ITGA9: variants seen among roughly 807,000 people sequenced by gnomAD.
ITGA9 encodes integrin alpha-9.
ITGA9 carries 56 observed loss-of-function variants against 127.8 expected under a neutral mutation model. The observed-to-expected ratio is 0.44, with a 90% CI of 0.35 to 0.55. The LOEUF (loss-of-function observed/expected upper bound fraction) is 0.55, where lower values mean the gene tolerates loss of function less well. ITGA9 is among the 20% of genes least tolerant of loss of function. The pLI, the probability that ITGA9 is intolerant of heterozygous loss-of-function variation, is 0.00. For synonymous variants in ITGA9, 508 were observed against 514.5 expected, an observed-to-expected ratio of 0.99 and a Z score of 0.17; for missense variants, 1,196 against 1,347.1, an observed-to-expected ratio of 0.89 and a Z score of 1.76.
Position 37,542,447 on chromosome 3 carries a change from T to C in ITGA9, c.1551T>C (p.Ala517=), listed in dbSNP as rs1432061757. ...GEIGLNYVLM[A]DVAKKEKGQM... ...CAGGCCTGAATTATGTTCTGATGGCTGACGTGGCCAAAAAGGAGAAGGGCC... is the reference window on the plus strand; with the variant it reads ...CAGGCCTGAATTATGTTCTGATGGCCGACGTGGCCAAAAAGGAGAAGGGCC... Residue 517 remains alanine (A), a synonymous_variant, in exon 15 of 28, where the codon GCT becomes GCC. Transcript: ENST00000264741. 1.9e-6 allele frequency: 3 copies of C among 1,613,812 alleles called. No individual in the cohort carries two copies. In the Middle Eastern group the frequency reaches 5.2e-4, roughly 279 times the overall value.
chr3:37,775,265 ACT>A (rs560648277), intron 23 of ITGA9, among the ~76,000 whole-genome samples: 22 of 152,082 alleles, frequency 1.4e-4, no homozygotes, highest in Non-Finnish European at 2.9e-4. Flanking sequence ...CATGTGAAAA[ACT>A]CAGTATCACT....
At chr3:37,743,239 G>T (rs7633317) in intron 21 of ITGA9, among the ~76,000 whole-genome samples, 51,880 of 152,106 alleles carry the variant, frequency 0.34, 11,190 homozygotes, top group African/African-American at 0.62. Context: ...TCAAAAATCT[G>T]CCATTGTTGT....
chr3:37,582,060 T>C (rs1010872366), intron 15 of ITGA9, among the ~76,000 whole-genome samples: 1 of 152,148 alleles, frequency 6.6e-6, no homozygotes, highest in Non-Finnish European at 1.5e-5. Flanking sequence ...CGACAGCAAT[T>C]AGAGGCAGGC....
At chr3:37,497,761 C>T (rs376368710) in intron 5 of ITGA9, among the ~76,000 whole-genome samples, 7 of 152,200 alleles carry the variant, frequency 4.6e-5, no homozygotes, top group African/African-American at 1.7e-4. Context: ...GTTCCTCCAA[C>T]AGGCCTGTCT....
At position 37,506,069 on chromosome 3, in the gene ITGA9, A is replaced by G. The variant is rs375426609; in HGVS notation, c.812A>G (p.Asp271Gly). 5.0e-6 allele frequency: 8 copies of G among 1,609,740 alleles called. No homozygotes were observed. The highest frequency in any genetic ancestry group is 6.8e-6 in the Non-Finnish European group (8 of 1,178,032). The change falls in exon 7 of 28, where the codon GAC (aspartate) becomes GGC (glycine). Residue 271 changes from aspartate to glycine, a missense_variant. By Grantham distance (94) the Asp-to-Gly change is moderately conservative (BLOSUM62 -1). Transcript: ENST00000264741. Reference protein sequence around the residue: ...TIDVVGGAPQDKGIGKVYIFR... With the variant: ...TIDVVGGAPQGKGIGKVYIFR... ...GATGTGGTAGGAGGTGCCCCACAGGACAAAGGCATCGGCAAGGTGAGGAGA... is the reference window on the plus strand; with the variant it reads ...GATGTGGTAGGAGGTGCCCCACAGGGCAAAGGCATCGGCAAGGTGAGGAGA...
intron 3 of ITGA9, among the ~76,000 whole-genome samples, chr3:37,477,937 G>A (rs570428135): frequency 8.6e-5 from 13 of 151,504 alleles, no homozygotes; most frequent in Admixed American, 6.6e-4. Flanking sequence ...AAGCCACAGG[G>A]TACATTTTTG....
intron 4 of ITGA9, among the ~76,000 whole-genome samples, chr3:37,487,411 T>C (rs550779444): frequency 2.0e-5 from 3 of 152,336 alleles, no homozygotes; most frequent in Admixed American, 6.5e-5. Flanking sequence ...CCAGGTTTCC[T>C]TGGAGCCAAG....
chr3:37,523,526 G>A lies in ITGA9; in HGVS notation c.1242G>A (p.Leu414=), dbSNP rs368456899. ...GGIVPQYSMK[L]SGQKINPVLR... Reference sequence around the variant, plus strand: ...TTCCCTATTATCTGTTTCAGAAACTGTCTGGGCAGAAGATAAATCCAGTGC... The same window carrying A: ...TTCCCTATTATCTGTTTCAGAAACTATCTGGGCAGAAGATAAATCCAGTGC... Residue 414 remains leucine (L), a synonymous_variant, in exon 12 of 28, where the codon CTG becomes CTA. Transcript: ENST00000264741. 2 of 1,613,416 alleles carry A rather than the reference G, an allele frequency of 1.2e-6. No individual in the cohort carries two copies. The highest frequency in any genetic ancestry group is 1.3e-5 in the African/African-American group (1 of 74,854).
intron 5 of ITGA9, among the ~76,000 whole-genome samples, chr3:37,496,117 C>G (rs1698725323): frequency 6.6e-6 from 1 of 152,184 alleles, no homozygotes; most frequent in African/African-American, 2.4e-5. Context: ...GCCTACCTTC[C>G]TTTCAGAAAC....
intron 15 of ITGA9, among the ~76,000 whole-genome samples, chr3:37,600,751 C>A (rs1699915484): frequency 6.6e-6 from 1 of 152,164 alleles, no homozygotes; most frequent in Non-Finnish European, 1.5e-5. Context: ...GGGCAGAAAG[C>A]ACTCTTTCTC....
rs369201522 is a variant in ITGA9 at position 37,741,818 on chromosome 3, G to A, written c.2323G>A (p.Gly775Arg). ...GCACGAGGTGGACACGTCCATCACC[G>A]GGTGAGTAGCCTGGTCCTGGGTTGC... The part of the protein sequence containing the change: ...LMHEVDTSIT[G>R]IMSPTSFVYG... The change falls in exon 21 of 28, where the codon GGA (glycine) becomes AGA (arginine). Residue 775 changes from glycine to arginine, a missense_variant and splice_region_variant. Transcript: ENST00000264741. 1.9e-5 allele frequency: 31 copies of A among 1,611,630 alleles called. No homozygotes were observed. Among genetic ancestry groups the A allele is most frequent in the East Asian group, 1.1e-4 (5 of 44,774 alleles).
intron 25 of ITGA9, among the ~76,000 whole-genome samples, chr3:37,783,543 C>T (rs1697003448): frequency 6.6e-6 from 1 of 151,846 alleles, no homozygotes; most frequent in African/African-American, 2.4e-5. Flanking sequence ...AGGATGTTTC[C>T]CCAGGCTGGA....
At chr3:37,627,800 A>G (rs1236010544) in intron 15 of ITGA9, among the ~76,000 whole-genome samples, 14 of 152,178 alleles carry the variant, frequency 9.2e-5, no homozygotes, top group Non-Finnish European at 1.5e-5. Context: ...ATCAAAAAGA[A>G]GGTGTTCCTG....
At chr3:37,667,991 G>C (rs1193077111) in intron 17 of ITGA9, among the ~76,000 whole-genome samples, 1 of 152,096 alleles carries the variant, frequency 6.6e-6, no homozygotes, top group South Asian at 2.1e-4. Context: ...TCCTGAATGC[G>C]AGGCTCCAAG....
chr3:37,592,600 CA>C (rs1699831459), intron 15 of ITGA9, among the ~76,000 whole-genome samples: 1 of 152,162 alleles, frequency 6.6e-6, no homozygotes, highest in South Asian at 2.1e-4. Context: ...AATGACTCCA[CA>C]TATCAGTGGT....
intron 5 of ITGA9, among the ~76,000 whole-genome samples, chr3:37,500,834 C>T (rs7611844): frequency 0.078 from 11,816 of 152,124 alleles, 667 homozygotes; most frequent in African/African-American, 0.16. Context: ...TCTGAAGGCT[C>T]AGGGGAAGGT....
intron 15 of ITGA9, among the ~76,000 whole-genome samples, chr3:37,625,437 G>A (rs769451237): frequency 3.9e-5 from 6 of 152,164 alleles, no homozygotes; most frequent in Non-Finnish European, 8.8e-5. Flanking sequence ...TCTGCCACCA[G>A]CCTGGGTGTT....
At chr3:37,785,388 G>A (rs1697027682) in intron 26 of ITGA9, among the ~76,000 whole-genome samples, 1 of 152,168 alleles carries the variant, frequency 6.6e-6, no homozygotes, top group African/African-American at 2.4e-5. Flanking sequence ...GTGGAGCCAG[G>A]ACTATTTATA....
At chr3:37,712,695 G>C (rs1362970901) in intron 18 of ITGA9, among the ~76,000 whole-genome samples, 1 of 152,108 alleles carries the variant, frequency 6.6e-6, no homozygotes, top group South Asian at 2.1e-4. Context: ...CTTCAGGGTG[G>C]CAAAATGGTT....
Sources: gnomAD v4.1 joint callset for allele counts (sites outside exome capture counted in the v4.1 genomes callset) on GRCh38, gnomAD v4.1.1 for gene constraint, MANE v1.5 for transcripts, NCBI Gene and HGNC (gene_info 2026-07-23, HGNC 2026-07-21) for gene names.